The following TRAP1 variants were observed in gnomAD, a reference collection of about 807,000 sequenced individuals.
TRAP1 encodes the protein TNF receptor associated protein 1.
Under a neutral mutation model 89.1 loss-of-function variants are expected in TRAP1, and 102 were observed. That is an observed-to-expected ratio of 1.15 (90% CI 0.98 to 1.35). TRAP1 has a LOEUF of 1.35. TRAP1 is among the 40% of genes most tolerant of loss of function. The probability of loss-of-function intolerance (pLI) is 0.00; values close to 1 mark genes in which losing one functional copy is unlikely to be tolerated. For synonymous variants in TRAP1, 508 were observed against 388.0 expected, an observed-to-expected ratio of 1.31 and a Z score of -3.64; for missense variants, 1,256 against 945.3, an observed-to-expected ratio of 1.33 and a Z score of -4.31.
intron 4 of TRAP1, among the ~76,000 whole-genome samples, chr16:3,684,794 A>G (rs1215309248): frequency 6.6e-6 from 1 of 152,178 alleles, no homozygotes; most frequent in Non-Finnish European, 1.5e-5. Context: ...TGTCTCCAAA[A>G]AAAAGGAAAA....
At chr16:3,717,023 C>T (rs541151656) in intron 1 of TRAP1, among the ~76,000 whole-genome samples, 3 of 152,372 alleles carry the variant, frequency 2.0e-5, no homozygotes, top group African/African-American at 7.2e-5. Flanking sequence ...ATGGAACTAG[C>T]ACGATCACCC....
At chr16:3,705,648 T>A in intron 1 of TRAP1, among the ~76,000 whole-genome samples, 1 of 152,202 alleles carries the variant, frequency 6.6e-6, no homozygotes, top group East Asian at 1.9e-4. Flanking sequence ...TAGATTATTT[T>A]TTTCCATTCA....
intron 14 of TRAP1, 166 bp from the exon 15 acceptor site, chr16:3,663,133 A>G: frequency 1.5e-6 from 1 of 664,630 alleles, no homozygotes; most frequent in Non-Finnish European, 2.5e-6. Flanking sequence ...AGGATGCTTC[A>G]GGTTGCCTGA....
At chr16:3,664,513 G>C in intron 12 of TRAP1, 54 bp from the exon 13 acceptor site, 1 of 1,543,890 alleles carries the variant, frequency 6.5e-7, no homozygotes, top group Non-Finnish European at 8.7e-7. Flanking sequence ...GCTCAATGTT[G>C]CCCAACTAAC....
chr16:3,707,340 C>T (rs4786435), intron 1 of TRAP1, among the ~76,000 whole-genome samples: 95,904 of 150,232 alleles, frequency 0.64, 32,493 homozygotes, highest in African/African-American at 0.87. Context: ...CGCCCACCAC[C>T]ACACCCGGCT....
At chr16:3,703,062 A>G (rs2051390564) in intron 1 of TRAP1, among the ~76,000 whole-genome samples, 1 of 150,448 alleles carries the variant, frequency 6.6e-6, no homozygotes, top group Non-Finnish European at 1.5e-5. Context: ...AAAAAAAAAA[A>G]AAAAGCATTC....
intron 1 of TRAP1, among the ~76,000 whole-genome samples, chr16:3,709,313 C>A (rs1167830998): frequency 6.6e-6 from 1 of 151,554 alleles, no homozygotes; most frequent in African/African-American, 2.4e-5. Flanking sequence ...AATGGCTTTA[C>A]GTCCTAGTAA....
intron 17 of TRAP1, 42 bp downstream of exon 17, chr16:3,658,751 G>C: frequency 6.3e-7 from 1 of 1,581,072 alleles, no homozygotes; most frequent in Non-Finnish European, 8.7e-7. Context: ...GGCAGGGCTG[G>C]TAGCCTGGGT....
At position 3,662,983 on chromosome 16, in the gene TRAP1, C is replaced by A; in HGVS notation, c.1709-16G>T. 1.9e-6 allele frequency: 3 copies of A among 1,585,858 alleles called. No homozygotes were observed. Among genetic ancestry groups the A allele is most frequent in the Non-Finnish European group, 2.6e-6 (3 of 1,170,546 alleles). ...CACTCGGCGGCTGCGGAAGAGCAGG[C>A]GACAGGGAGCTCAGGCCTGCATCCC... On this transcript the variant is annotated splice_polypyrimidine_tract_variant and intron_variant, in intron 14 of 17. Transcript: ENST00000246957.
chr16:3,690,175 T>C (rs2051194292), intron 2 of TRAP1, among the ~76,000 whole-genome samples: 1 of 152,080 alleles, frequency 6.6e-6, no homozygotes, highest in South Asian at 2.1e-4. Context: ...CCTGGCTAAC[T>C]TTTTAATTTT....
intron 17 of TRAP1, 107 bp downstream of exon 17, chr16:3,658,686 C>CAA (rs199922950): frequency 1.3e-5 from 15 of 1,154,526 alleles, no homozygotes; most frequent in Middle Eastern, 2.2e-4. Flanking sequence ...AACAAACAAA[C>CAA]AAACAAAAAG....
At chr16:3,703,042 T>TGG (rs761667292) in intron 1 of TRAP1, among the ~76,000 whole-genome samples, 8 of 64,248 alleles carry the variant, frequency 1.2e-4, no homozygotes, top group South Asian at 5.1e-4. Flanking sequence ...AACTCCGTCT[T>TGG]GAAAAAAAAA....
intron 1 of TRAP1, among the ~76,000 whole-genome samples, chr16:3,699,199 T>C (rs1401757620): frequency 6.6e-6 from 1 of 152,172 alleles, no homozygotes; most frequent in Non-Finnish European, 1.5e-5. Flanking sequence ...GCAGTCTCAG[T>C]AGCTGGGACT....
chr16:3,663,719 G>C (rs527804576), intron 13 of TRAP1, 157 bp from the exon 14 acceptor site: 1 of 833,106 alleles, frequency 1.2e-6, no homozygotes, highest in Non-Finnish European at 1.8e-6. Flanking sequence ...CAGTTACTAC[G>C]ACACCTGGGT....
intron 6 of TRAP1, 130 bp downstream of exon 6, chr16:3,677,368 A>G: frequency 8.1e-7 from 1 of 1,236,894 alleles, no homozygotes; most frequent in Non-Finnish European, 1.1e-6. Flanking sequence ...CCAAAATGGG[A>G]GAGTCAGATT....
intron 11 of TRAP1, 115 bp downstream of exon 11, chr16:3,671,606 TC>T: frequency 8.7e-7 from 1 of 1,152,410 alleles, no homozygotes; most frequent in South Asian, 1.3e-5. Flanking sequence ...AGGCCGGGCT[TC>T]CCCGACCACC....
At chr16:3,700,373 G>C (rs2051349448) in intron 1 of TRAP1, among the ~76,000 whole-genome samples, 1 of 151,542 alleles carries the variant, frequency 6.6e-6, no homozygotes. Context: ...CTCCATGTTG[G>C]TCAGGCTGCT....
intron 13 of TRAP1, chr16:3,663,820 TC>T: frequency 2.1e-6 from 1 of 481,360 alleles, no homozygotes; most frequent in Non-Finnish European, 3.7e-6. Context: ...ACGCCTGTAA[TC>T]CCAGCACTTT....
At chr16:3,675,294 G>C (rs2050973947) in intron 8 of TRAP1, 30 bp downstream of exon 8, 1 of 1,605,514 alleles carries the variant, frequency 6.2e-7, no homozygotes, top group Non-Finnish European at 8.5e-7. Context: ...CTCCATGTTT[G>C]ACCAGTCCCT....
Sources: allele counts gnomAD v4.1 joint callset (sites outside exome capture counted in the v4.1 genomes callset), GRCh38; gene constraint gnomAD v4.1.1; transcripts MANE v1.5; gene names NCBI Gene and HGNC (gene_info 2026-07-23, HGNC 2026-07-21).